CCDC152: variants seen among roughly 807,000 people sequenced by gnomAD.
CCDC152 encodes the protein coiled-coil domain containing 152, also known as coiled-coil domain-containing protein 152.
CCDC152 carries 37 observed loss-of-function variants against 38.1 expected under a neutral mutation model. The observed-to-expected ratio is 0.97, with a 90% CI of 0.75 to 1.28. The LOEUF (loss-of-function observed/expected upper bound fraction) is 1.28. CCDC152 is among the 50% of genes most tolerant of loss of function. The probability of loss-of-function intolerance (pLI) is 0.00; values close to 1 mark genes in which losing one functional copy is unlikely to be tolerated. For synonymous variants in CCDC152, 83 were observed against 87.1 expected, an observed-to-expected ratio of 0.95 and a Z score of 0.26; for missense variants, 259 against 292.1, an observed-to-expected ratio of 0.89 and a Z score of 0.83.
chr5:42,796,966 T>A lies in CCDC152; in HGVS notation c.558+10T>A. On this transcript the variant is annotated intron_variant, in intron 7 of 8. Transcript: ENST00000361970. Reference sequence around the variant, plus strand: ...CAAGCTACAACTAGAAGTAAGTGTTTAAGAGTCTGCTAAACTTGAGGACAC... The same window carrying A: ...CAAGCTACAACTAGAAGTAAGTGTTAAAGAGTCTGCTAAACTTGAGGACAC... 6.7e-7 allele frequency: 1 copy of A among 1,502,890 alleles called. No individual in the cohort carries two copies. The highest frequency in any genetic ancestry group is 8.9e-7 in the Non-Finnish European group (1 of 1,125,676). 93.1% of individuals were successfully genotyped at this position (1,502,890 alleles called of 1,614,324 possible).
intron 6 of CCDC152, among the ~76,000 whole-genome samples, chr5:42,792,804 G>A (rs1228486920): frequency 6.6e-6 from 1 of 152,160 alleles, no homozygotes; most frequent in Non-Finnish European, 1.5e-5. Flanking sequence ...TGCAACCATA[G>A]AAGCATGGCC....
At chr5:42,792,396 AT>A (rs1427919881) in intron 6 of CCDC152, among the ~76,000 whole-genome samples, 2 of 152,258 alleles carry the variant, frequency 1.3e-5, no homozygotes, top group South Asian at 4.2e-4. Context: ...TCAATTTCTC[AT>A]TATCCTTTAG....
chr5:42,795,345 G>A (rs183976774), intron 6 of CCDC152, among the ~76,000 whole-genome samples: 11 of 152,030 alleles, frequency 7.2e-5, no homozygotes, highest in Non-Finnish European at 1.0e-4. Context: ...GATTTACCAG[G>A]GAAATAAAAC....
chr5:42,779,582 A>AG (rs1384889790), intron 5 of CCDC152, 60 bp downstream of exon 5: 4 of 877,632 alleles, frequency 4.6e-6, no homozygotes, highest in South Asian at 1.7e-5. Context: ...TTTTCAAATT[A>AG]GGAAAAAAAA....
At chr5:42,769,805 C>G in intron 4 of CCDC152, 140 bp downstream of exon 4, 3 of 1,001,566 alleles carry the variant, frequency 3.0e-6, no homozygotes, top group Non-Finnish European at 4.1e-6. Context: ...AAATACTTTC[C>G]TAGATGATTA....
chr5:42,757,556 G>C (rs993395715), intron 1 of CCDC152, among the ~76,000 whole-genome samples: 5 of 152,158 alleles, frequency 3.3e-5, no homozygotes, highest in East Asian at 1.9e-4. Context: ...TAAGGAATTT[G>C]ACAAGCACTG....
At chr5:42,771,040 C>T (rs1331348514) in intron 4 of CCDC152, among the ~76,000 whole-genome samples, 1 of 152,160 alleles carries the variant, frequency 6.6e-6, no homozygotes, top group Non-Finnish European at 1.5e-5. Context: ...ATAGTCATGT[C>T]ATCTGCGAAT....
At chr5:42,782,557 G>T (rs1759859993) in intron 5 of CCDC152, among the ~76,000 whole-genome samples, 1 of 152,046 alleles carries the variant, frequency 6.6e-6, no homozygotes, top group Non-Finnish European at 1.5e-5. Context: ...TTGGTGAAAG[G>T]ATAAAAAATT....
intron 5 of CCDC152, among the ~76,000 whole-genome samples, chr5:42,780,796 AT>A (rs1420889548): frequency 2.0e-5 from 3 of 152,202 alleles, no homozygotes; most frequent in African/African-American, 7.2e-5. Flanking sequence ...GAGTAGAAGG[AT>A]TTTGCAACTT....
chr5:42,763,067 C>T (rs1759575995), intron 3 of CCDC152, among the ~76,000 whole-genome samples: 1 of 152,158 alleles, frequency 6.6e-6, no homozygotes, highest in African/African-American at 2.4e-5. Context: ...AAGGAACCAA[C>T]GTTTTTTTGA....
chr5:42,801,121 G>A lies in CCDC152; in HGVS notation c.*1340G>A. 6.2e-7 allele frequency: 1 copy of A among 1,614,140 alleles called. No homozygotes were observed. Among genetic ancestry groups the A allele is most frequent in the East Asian group, 2.2e-5 (1 of 44,888 alleles). The stretch of plus-strand genomic sequence containing the variant: ...TGACCCTGCCTATGCTGACCCTTGT[G>A]CTTATGGTGGTGATGAAGGCCTGGA... On this transcript the variant is annotated 3_prime_UTR_variant, in exon 9 of 9. Transcript: ENST00000361970.
chr5:42,776,548 A>G (rs1378304079), intron 4 of CCDC152, among the ~76,000 whole-genome samples: 1 of 152,220 alleles, frequency 6.6e-6, no homozygotes. Context: ...GAAATCAACA[A>G]TAACATCAAT....
chr5:42,760,694 G>A (rs770394857), intron 2 of CCDC152, among the ~76,000 whole-genome samples: 3 of 151,778 alleles, frequency 2.0e-5, no homozygotes, highest in African/African-American at 4.8e-5. Context: ...CCTTCTTTTC[G>A]TCAGCACACA....
chr5:42,796,260 A>G (rs1760074807), intron 6 of CCDC152, among the ~76,000 whole-genome samples: 1 of 151,874 alleles, frequency 6.6e-6, no homozygotes, highest in Admixed American at 6.6e-5. Context: ...AATTAAAAAA[A>G]AAAAAAAGAA....
rs554434415 is a variant in CCDC152 at position 42,801,311 on chromosome 5, A to G, written c.*1530A>G. On this transcript the variant is annotated 3_prime_UTR_variant, in exon 9 of 9. Coordinates refer to ENST00000361970, the MANE Select transcript of CCDC152 (RefSeq NM_001134848.2). ...CAGTAGCCAAAGATACACGTTTACA[A>G]AAGTCTTCATCTTTGAGAGTCTGGA... is the stretch of plus-strand genomic sequence containing the variant. 23 of 1,609,636 alleles carry G rather than the reference A, an allele frequency of 1.4e-5. No homozygotes were observed. In the African/African-American group the frequency reaches 2.5e-4, roughly 18 times the overall value.
intron 7 of CCDC152, among the ~76,000 whole-genome samples, chr5:42,797,919 G>T (rs185731448): frequency 8.4e-4 from 128 of 152,018 alleles, no homozygotes; most frequent in Non-Finnish European, 1.1e-3. Flanking sequence ...AGGCCGAGGC[G>T]AGCGGATCAC....
intron 6 of CCDC152, among the ~76,000 whole-genome samples, chr5:42,789,701 A>G (rs1759972774): frequency 6.6e-6 from 1 of 152,186 alleles, no homozygotes; most frequent in Admixed American, 6.5e-5. Flanking sequence ...TAATTTCACT[A>G]ATGAAATTTT....
At chr5:42,764,184 G>A (rs892293191) in intron 3 of CCDC152, among the ~76,000 whole-genome samples, 34 of 152,070 alleles carry the variant, frequency 2.2e-4, no homozygotes, top group Non-Finnish European at 4.6e-4. Flanking sequence ...GGCCGAGGAG[G>A]GTGGATCACG....
Position 42,775,414 on chromosome 5 carries a change from A to C in CCDC152, c.263-4044A>C, listed in dbSNP as rs141115002. 7.9e-4 allele frequency among the ~76,000 whole-genome samples: 120 copies of C among 152,322 alleles called. 3 individuals are homozygous for C. Among genetic ancestry groups the C allele is most frequent in the African/African-American group, 2.8e-3 (118 of 41,580 alleles). ...ATGCAAACAGTAAAGGAGTAGAGTG[A>C]AATATTTTAAAGTGCTGAGAGAGAT... On this transcript the variant is annotated intron_variant, in intron 4 of 8. Transcript: ENST00000361970.
Sources: gnomAD v4.1 joint callset for allele counts (sites outside exome capture counted in the v4.1 genomes callset) on GRCh38, gnomAD v4.1.1 for gene constraint, MANE v1.5 for transcripts, NCBI Gene and HGNC (gene_info 2026-07-23, HGNC 2026-07-21) for gene names.